DPH6: variants seen among roughly 807,000 people sequenced by gnomAD.
DPH6 encodes diphthine--ammonia ligase.
A neutral mutation model predicts 38.2 loss-of-function variants in DPH6; 33 were observed. The observed-to-expected ratio is 0.86, with a 90% CI of 0.65 to 1.15. The LOEUF is 1.15. Ranked by LOEUF, DPH6 falls within the 50% of genes most tolerant of loss-of-function variation. The pLI is 0.00. For synonymous variants in DPH6, 108 were observed against 103.0 expected, an observed-to-expected ratio of 1.05 and a Z score of -0.30; for missense variants, 325 against 320.0, an observed-to-expected ratio of 1.02 and a Z score of -0.12.
chr15:35,154,896 A>G, the DPH6 span, among the ~76,000 whole-genome samples: 1 of 152,342 alleles, frequency 6.6e-6, no homozygotes, highest in East Asian at 1.9e-4. Flanking sequence ...TTTGATTGAG[A>G]CAAAGAGGCA....
chr15:35,344,959 G>A (rs1199505749), intron 3 of DPH6, among the ~76,000 whole-genome samples: 1 of 151,790 alleles, frequency 6.6e-6, no homozygotes, highest in Non-Finnish European at 1.5e-5. Context: ...GCCATTTTGG[G>A]GAGGAAAATG....
In DPH6 at chr15:35,303,350, CTAA is replaced by C. The variant is rs1410359154; in HGVS notation, n.200+70168_200+70170del. ...ATTTTAAAATATTTTTATAATAGCG[CTAA>C]TAAGAAGGCATACTAGTCTTTATGA... On this transcript the variant is annotated intron_variant and non_coding_transcript_variant, in intron 3 of 3. Coordinates refer to the DPH6 transcript ENST00000560386. Among the ~76,000 whole-genome samples, 21 of 151,596 alleles carry C rather than the reference CTAA, an allele frequency of 1.4e-4. No homozygotes were observed. The East Asian group carries it at 4.1e-3, about 29-fold the overall frequency.
At chr15:35,473,880 T>C (rs564715969) in intron 3 of DPH6, among the ~76,000 whole-genome samples, 1 of 151,708 alleles carries the variant, frequency 6.6e-6, no homozygotes, top group Non-Finnish European at 1.5e-5. Context: ...GGATACATTA[T>C]ACAAAAAAGG....
chr15:35,472,509 T>C (rs963781105), intron 3 of DPH6, among the ~76,000 whole-genome samples: 2 of 152,044 alleles, frequency 1.3e-5, no homozygotes, highest in South Asian at 2.1e-4. Context: ...GCCAAATCCA[T>C]AGCCAGCTAA....
intron 3 of DPH6, among the ~76,000 whole-genome samples, chr15:35,287,010 G>C (rs1424196477): frequency 6.6e-6 from 1 of 152,106 alleles, no homozygotes; most frequent in Non-Finnish European, 1.5e-5. Flanking sequence ...ACAGCAAAAA[G>C]AAGACAATAG....
intron 5 of DPH6, among the ~76,000 whole-genome samples, chr15:35,433,574 T>C (rs1332913245): frequency 2.0e-5 from 3 of 152,204 alleles, no homozygotes; most frequent in Non-Finnish European, 4.4e-5. Context: ...AATTACTAAA[T>C]TCTTCCATTG....
At chr15:35,270,269 A>G (rs1003239388) in intron 3 of DPH6, among the ~76,000 whole-genome samples, 1 of 152,262 alleles carries the variant, frequency 6.6e-6, no homozygotes, top group African/African-American at 2.4e-5. Context: ...ATTACTTGCT[A>G]TAGTCTTTAG....
chr15:35,357,826 T>C (rs2052578505), intron 3 of DPH6, among the ~76,000 whole-genome samples: 1 of 152,214 alleles, frequency 6.6e-6, no homozygotes, highest in South Asian at 2.1e-4. Flanking sequence ...TTCTTTCCTT[T>C]GTCTTAACTT....
chr15:35,457,798 G>A (rs2054015467), intron 3 of DPH6, among the ~76,000 whole-genome samples: 1 of 152,188 alleles, frequency 6.6e-6, no homozygotes, highest in Admixed American at 6.5e-5. Flanking sequence ...CACCTGGTAA[G>A]CATTCAGCAA....
At chr15:35,327,427 C>G (rs1009903538), downstream of DPH6, among the ~76,000 whole-genome samples, 12 of 150,206 alleles carry the variant, frequency 8.0e-5, no homozygotes, top group Non-Finnish European at 1.3e-4. Context: ...CTCACTGCAA[C>G]CTCCGCCTCC....
At chr15:35,237,561 G>A in intron 3 of DPH6, 2 of 1,547,284 alleles carry the variant, frequency 1.3e-6, no homozygotes, top group Non-Finnish European at 1.8e-6. Context: ...GTCTCGGGGG[G>A]CGTGGAAGCA....
chr15:35,176,210 T>C, the DPH6 span, among the ~76,000 whole-genome samples: 1 of 152,240 alleles, frequency 6.6e-6, no homozygotes, highest in African/African-American at 2.4e-5. Context: ...AGTGTTGTGA[T>C]GGAGCTGCTG....
intron 6 of DPH6, among the ~76,000 whole-genome samples, chr15:35,398,468 A>G (rs2053174991): frequency 6.6e-6 from 1 of 152,212 alleles, no homozygotes. Flanking sequence ...ACCCGAACGG[A>G]CAGGGTTCAG....
At chr15:35,182,787 A>G in the DPH6 span, among the ~76,000 whole-genome samples, 1 of 152,164 alleles carries the variant, frequency 6.6e-6, no homozygotes, top group South Asian at 2.1e-4. Context: ...GAAATTGGGT[A>G]TAGGAAGCTC....
chr15:35,283,662 T>C (rs560771512), intron 3 of DPH6, among the ~76,000 whole-genome samples: 9 of 152,084 alleles, frequency 5.9e-5, no homozygotes, highest in East Asian at 3.9e-4. Context: ...TAGAATCCTA[T>C]CACCAACACC....
chr15:35,219,110 C>T (rs2051427030), exon 4 of DPH6: 1 of 152,108 alleles, frequency 6.6e-6, no homozygotes, highest in South Asian at 2.1e-4. Context: ...TTTTAAGTCA[C>T]AAAGTGTAGT....
intron 3 of DPH6, among the ~76,000 whole-genome samples, chr15:35,464,358 G>A (rs2141112159): frequency 6.6e-6 from 1 of 151,724 alleles, no homozygotes; most frequent in Non-Finnish European, 1.5e-5. Context: ...GACCACAAGG[G>A]AGACAATTCT....
intron 3 of DPH6, among the ~76,000 whole-genome samples, chr15:35,279,167 T>G (rs970020585): frequency 6.6e-6 from 1 of 151,702 alleles, no homozygotes; most frequent in African/African-American, 2.4e-5. Context: ...TTTGGGGTGA[T>G]TTCTCCATTT....
chr15:35,390,181 T>C (rs1464816588), intron 6 of DPH6, among the ~76,000 whole-genome samples: 3 of 152,214 alleles, frequency 2.0e-5, no homozygotes, highest in African/African-American at 7.2e-5. Flanking sequence ...CCCACTCTCT[T>C]CTGGCTTGTA....
Sources: gnomAD v4.1 joint callset for allele counts (sites outside exome capture counted in the v4.1 genomes callset) on GRCh38, gnomAD v4.1.1 for gene constraint, MANE v1.5 for transcripts, NCBI Gene and HGNC (gene_info 2026-07-23, HGNC 2026-07-21) for gene names.